Variants in P4HB observed in about 807,000 individuals in gnomAD.
P4HB encodes prolyl 4-hydroxylase subunit beta, also known as protein disulfide-isomerase.
A neutral mutation model predicts 52.6 loss-of-function variants in P4HB; 20 were observed. The observed-to-expected ratio is 0.38, with a 90% CI of 0.27 to 0.55. The LOEUF is 0.55. Among genes scored for constraint, P4HB ranks in the 20% least tolerant of loss-of-function variants. The pLI is 0.74. For synonymous variants in P4HB, 296 were observed against 277.9 expected (o/e 1.07, Z -0.65); for missense variants, 601 against 669.2 (o/e 0.90, Z 1.12).
intron 4 of P4HB, among the ~76,000 whole-genome samples, chr17:81,849,396 T>A (rs1317430792): frequency 6.6e-6 from 1 of 151,962 alleles, no homozygotes; most frequent in Non-Finnish European, 1.5e-5. Flanking sequence ...CTTGGGAGGC[T>A]GAGGCAGGAG....
intron 1 of P4HB, 120 bp downstream of exon 1, chr17:81,860,207 G>T: frequency 1.2e-6 from 1 of 802,960 alleles, no homozygotes; most frequent in Non-Finnish European, 1.7e-6. Flanking sequence ...CAGCAAGGGA[G>T]CCCTTCAGTT....
chr17:81,853,562 A>T (rs1166829043), intron 4 of P4HB, among the ~76,000 whole-genome samples: 2 of 151,834 alleles, frequency 1.3e-5, no homozygotes, highest in Non-Finnish European at 2.9e-5. Context: ...CGACAGAGAC[A>T]GACTCTGTCT....
At chr17:81,854,753 A>C (rs933247688) in intron 4 of P4HB, among the ~76,000 whole-genome samples, 3 of 151,864 alleles carry the variant, frequency 2.0e-5, no homozygotes, top group African/African-American at 7.3e-5. Flanking sequence ...GAGGCAGGAG[A>C]ATCACTTGAA....
Position 81,845,250 on chromosome 17 carries a change from G to A in P4HB, c.1360-20C>T, listed in dbSNP as rs764582434. ...AATGACCTGTGGAAGACAGGGATGA[G>A]TGCAGGGGCTGGTCCCGGCCCAGAG... On this transcript the variant is annotated intron_variant, in intron 9 of 10. Coordinates refer to ENST00000331483, the MANE Select transcript of P4HB (RefSeq NM_000918.4). 2 of 1,588,862 alleles carry A rather than the reference G, an allele frequency of 1.3e-6. No individual in the cohort carries two copies. Among genetic ancestry groups the A allele is most frequent in the East Asian group, 2.2e-5 (1 of 44,754 alleles).
At chr17:81,853,269 G>A (rs556297104) in intron 4 of P4HB, among the ~76,000 whole-genome samples, 22 of 152,256 alleles carry the variant, frequency 1.4e-4, no homozygotes, top group Non-Finnish European at 2.5e-4. Flanking sequence ...AGTGCTGGAT[G>A]CTCCGTGCTT....
chr17:81,857,875 G>A (rs2038935602), intron 2 of P4HB, among the ~76,000 whole-genome samples: 1 of 152,144 alleles, frequency 6.6e-6, no homozygotes, highest in African/African-American at 2.4e-5. Flanking sequence ...CTAACAAGAC[G>A]GTCACCAGTG....
intron 5 of P4HB, 71 bp from the exon 6 acceptor site, chr17:81,847,143 C>T: frequency 6.2e-7 from 1 of 1,604,598 alleles, no homozygotes. Context: ...CCAATGGCCT[C>T]CAATGTCAGA....
rs183142175 is a variant in P4HB at position 81,844,999 on chromosome 17, G to A, written c.1446+145C>T. 2.1e-3 allele frequency: 1,363 copies of A among 644,292 alleles called. 2 individuals carry two copies. Among genetic ancestry groups the A allele is most frequent in the Non-Finnish European group, 3.0e-3 (1,075 of 361,604 alleles). The allele number at this position is 644,292 out of a possible 1,614,324, so 39.9% of individuals were successfully genotyped here. A position where few individuals can be genotyped will look rare whatever the true frequency, so the allele number is the denominator to read the frequency against. ...GAGCACATCCCTTGCCCTGCTGGGC[G>A]AAGGTGTGGGGCCCCAGAGCCCTGG... On this transcript the variant is annotated intron_variant, in intron 10 of 10. Transcript: ENST00000331483.
At position 81,859,249 on chromosome 17, in the gene P4HB, C is replaced by A. The variant is rs1235772537; in HGVS notation, c.284G>T (p.Gly95Val). ...TEESDLAQQYGVRGYPTIKFF... is the reference protein window; with the variant it reads ...TEESDLAQQYVVRGYPTIKFF... Reference sequence around the variant, plus strand: ...CTTGATGGTGGGATAGCCGCGCACGCCGTACTGCTGGGCCAGGTCAGACTC... The same window carrying A: ...CTTGATGGTGGGATAGCCGCGCACGACGTACTGCTGGGCCAGGTCAGACTC... Residue 95 changes from glycine to valine, a missense_variant, in exon 2 of 11, where the codon GGC (glycine) becomes GTC (valine). Coordinates refer to ENST00000331483, the MANE Select transcript of P4HB (RefSeq NM_000918.4). 3.1e-6 allele frequency: 5 copies of A among 1,613,922 alleles called. No individual in the cohort carries two copies. The Admixed American group carries it at 8.3e-5, about 27-fold the overall frequency.
chr17:81,857,194 G>A (rs2038924935), intron 2 of P4HB, among the ~76,000 whole-genome samples: 1 of 152,068 alleles, frequency 6.6e-6, no homozygotes, highest in South Asian at 2.1e-4. Flanking sequence ...TGTCACCCAG[G>A]CTGGAGTGCG....
At position 81,853,211 on chromosome 17, in the gene P4HB, C is replaced by T. The variant is rs111230165; in HGVS notation, c.624+1931G>A. On this transcript the variant is annotated intron_variant, in intron 4 of 10. Transcript: ENST00000331483. ...AGCCATCCTGACCCACCCGCACCACCGCGCTCCAGGAAGCTGGCTCTACCC... is the reference window on the plus strand; with the variant it reads ...AGCCATCCTGACCCACCCGCACCACTGCGCTCCAGGAAGCTGGCTCTACCC... 4.7e-3 allele frequency among the ~76,000 whole-genome samples: 716 copies of T among 152,284 alleles called. 6 individuals carry two copies. Among genetic ancestry groups the T allele is most frequent in the African/African-American group, 0.016 (661 of 41,568 alleles).
In P4HB at chr17:81,845,703, A is replaced by G. The variant is rs200992601; in HGVS notation, c.1217T>C (p.Ile406Thr). 5 of 1,613,614 alleles carry G rather than the reference A, an allele frequency of 3.1e-6. No homozygotes were observed. The highest frequency in any genetic ancestry group is 4.2e-6 in the Non-Finnish European group (5 of 1,179,710). Residue 406 changes from isoleucine (I) to threonine (T), a missense_variant, in exon 9 of 11, where the codon ATT becomes ACT. Ile to Thr is a moderately conservative substitution (Grantham distance 89, BLOSUM62 -1). Transcript: ENST00000331483. ...WCGHCKQLAP[I>T]WDKLGETYKD... ...GTACGTCTCTCCCAGTTTATCCCAA[A>G]TGGGAGCCAACTGTTTGCAGTGACC... is the stretch of plus-strand genomic sequence containing the variant.
Position 81,858,498 on chromosome 17 carries a change from G to A in P4HB, c.352+683C>T, listed in dbSNP as rs563801384. Among the ~76,000 whole-genome samples, 229 of 152,258 alleles carry A rather than the reference G, an allele frequency of 1.5e-3. 2 individuals carry two copies. Among genetic ancestry groups the A allele is most frequent in the Middle Eastern group, 3.4e-3 (1 of 294 alleles). ...GAGCTGCTTTCGGGCTACCCACCAT[G>A]AGCATCTGACATGCCACAGAACCGG... On this transcript the variant is annotated intron_variant, in intron 2 of 10. Coordinates refer to ENST00000331483, the MANE Select transcript of P4HB (RefSeq NM_000918.4).
intron 4 of P4HB, among the ~76,000 whole-genome samples, chr17:81,852,088 T>C (rs1193429383): frequency 6.6e-6 from 1 of 151,886 alleles, no homozygotes; most frequent in Non-Finnish European, 1.5e-5. Context: ...CAGGCTGGGG[T>C]GGGAGGACTG....
At chr17:81,853,786 T>C (rs1055431829) in intron 4 of P4HB, among the ~76,000 whole-genome samples, 1 of 151,814 alleles carries the variant, frequency 6.6e-6, no homozygotes, top group Non-Finnish European at 1.5e-5. Flanking sequence ...AGGTCCCTCC[T>C]CTCCCGAGAC....
At chr17:81,854,563 G>T (rs367948453) in intron 4 of P4HB, among the ~76,000 whole-genome samples, 1 of 150,768 alleles carries the variant, frequency 6.6e-6, no homozygotes, top group African/African-American at 2.4e-5. Context: ...AAAGGCAAAC[G>T]GGGCCAGGCG....
At chr17:81,848,637 G>A (rs951908724) in intron 4 of P4HB, among the ~76,000 whole-genome samples, 1 of 150,730 alleles carries the variant, frequency 6.6e-6, no homozygotes, top group Non-Finnish European at 1.5e-5. Context: ...TTGGGAGGCT[G>A]AGGCAGGAGA....
Position 81,843,812 on chromosome 17 carries a change from C to A in P4HB, c.*200G>T. 1.6e-6 allele frequency: 1 copy of A among 611,832 alleles called. No homozygotes were observed. Among genetic ancestry groups the A allele is most frequent in the Non-Finnish European group, 2.9e-6 (1 of 343,828 alleles). The allele number at this position is 611,832 out of a possible 1,614,324, so 37.9% of individuals were successfully genotyped here. ...GGGTGGGCTGCCTGGAGATGGATCC[C>A]TTTCCAAAAACCGAAAAGCAGAAGG... is the stretch of plus-strand genomic sequence containing the variant. On this transcript the variant is annotated 3_prime_UTR_variant, in exon 11 of 11. Transcript: ENST00000331483.
In P4HB at chr17:81,860,364, C is replaced by CTCCGCGAAGTTGCTTT; in HGVS notation, c.92_107dup (p.Ala37LysfsTer31). 6.8e-7 allele frequency: 1 copy of CTCCGCGAAGTTGCTTT among 1,473,832 alleles called. No individual in the cohort carries two copies. Among genetic ancestry groups the CTCCGCGAAGTTGCTTT allele is most frequent in the Non-Finnish European group, 9.0e-7 (1 of 1,111,800 alleles). The allele number at this position is 1,473,832 out of a possible 1,614,324, so 91.3% of individuals were successfully genotyped here. On this transcript the variant is annotated frameshift_variant, in exon 1 of 11. Transcript: ENST00000331483. LOFTEE classifies it high-confidence loss of function. ...GCAGGTACTTGTGGGCCGCCAGCGC[C>CTCCGCGAAGTTGCTTT]TCCGCGAAGTTGCTTTTCCGCAGCA...
Sources: allele counts gnomAD v4.1 joint callset (sites outside exome capture counted in the v4.1 genomes callset), GRCh38; gene constraint gnomAD v4.1.1; transcripts MANE v1.5; gene names NCBI Gene and HGNC (gene_info 2026-07-23, HGNC 2026-07-21).